The following MTHFD1 variants were observed in gnomAD, a reference collection of about 807,000 sequenced individuals.
The protein encoded by MTHFD1 is methylenetetrahydrofolate dehydrogenase, cyclohydrolase and formyltetrahydrofolate synthetase 1.
A neutral mutation model predicts 110.3 loss-of-function variants in MTHFD1; 44 were observed. That is an observed-to-expected ratio of 0.40 (90% CI 0.31 to 0.51). The LOEUF (loss-of-function observed/expected upper bound fraction) is 0.51, where lower values mean the gene tolerates loss of function less well. MTHFD1 is among the 20% of genes least tolerant of loss of function. The probability of loss-of-function intolerance (pLI) is 0.60; values close to 1 mark genes in which losing one functional copy is unlikely to be tolerated. For synonymous variants in MTHFD1, 402 were observed against 428.8 expected, an observed-to-expected ratio of 0.94 and a Z score of 0.77; for missense variants, 909 against 1,173.1, an observed-to-expected ratio of 0.77 and a Z score of 3.29.
At chr14:64,454,972 C>A in intron 26 of MTHFD1, 97 bp downstream of exon 26, 2 of 1,290,240 alleles carry the variant, frequency 1.6e-6, no homozygotes, top group Non-Finnish European at 2.3e-6. Flanking sequence ...GAGCAGAGTT[C>A]ACTGCCCAGA....
intron 7 of MTHFD1, chr14:64,419,329 C>G (rs1244230982): frequency 2.2e-5 from 5 of 225,898 alleles, no homozygotes; most frequent in Admixed American, 1.0e-4. Flanking sequence ...GCTATGGCAG[C>G]TTGTTCTAGA....
At chr14:64,423,146 C>T (rs971012335) in intron 8 of MTHFD1, among the ~76,000 whole-genome samples, 4 of 152,140 alleles carry the variant, frequency 2.6e-5, no homozygotes, top group Non-Finnish European at 5.9e-5. Context: ...AGGAAATGTT[C>T]TGCCAGTTTG....
chr14:64,397,190 T>TA (rs1170738947), intron 1 of MTHFD1, among the ~76,000 whole-genome samples: 3 of 5,200 alleles, frequency 5.8e-4, no homozygotes, highest in African/African-American at 3.0e-3. Context: ...TATATATATA[T>TA]AAAAAACAGT....
At chr14:64,391,923 T>C (rs992441127) in intron 1 of MTHFD1, among the ~76,000 whole-genome samples, 50 of 152,292 alleles carry the variant, frequency 3.3e-4, no homozygotes, top group African/African-American at 1.2e-3. Context: ...ACTTGCATAC[T>C]GATGGGTAGA....
At chr14:64,418,786 C>T (rs555560614) in intron 7 of MTHFD1, among the ~76,000 whole-genome samples, 12 of 152,070 alleles carry the variant, frequency 7.9e-5, no homozygotes, top group South Asian at 2.1e-4. Context: ...GAACTCCTGA[C>T]CTCAGGTGAT....
At chr14:64,445,439 T>C (rs1202735049) in intron 22 of MTHFD1, among the ~76,000 whole-genome samples, 1 of 152,152 alleles carries the variant, frequency 6.6e-6, no homozygotes, top group African/African-American at 2.4e-5. Flanking sequence ...TCATTTACCA[T>C]CAAAGAAACA....
rs573052765 is a variant in MTHFD1 at position 64,449,342 on chromosome 14, C to T, written c.2280-103C>T. 347 of 1,354,268 alleles carry T rather than the reference C, an allele frequency of 2.6e-4. 2 individuals are homozygous for T. The highest frequency in any genetic ancestry group is 1.7e-3 in the South Asian group (146 of 85,100). 83.9% of individuals were successfully genotyped at this position (1,354,268 alleles called of 1,614,324 possible). On this transcript the variant is annotated intron_variant, in intron 23 of 27. Transcript: ENST00000652337. ...CAGGCCAAATTTCTTGGTTAGTGTTCGTTTATCAGTGGGTAATTCACATGA... is the reference window on the plus strand; with the variant it reads ...CAGGCCAAATTTCTTGGTTAGTGTTTGTTTATCAGTGGGTAATTCACATGA...
At chr14:64,397,166 TATATATATATATATATATATATATAAAA>T (rs2077860897) in intron 1 of MTHFD1, among the ~76,000 whole-genome samples, 1 of 17,684 alleles carries the variant, frequency 5.7e-5, no homozygotes, top group Non-Finnish European at 1.0e-4. Context: ...TATATATATA[TATATATATATATATATATATATATAAAA>T]AACAGTAATC....
At chr14:64,426,364 T>C (rs2078118480) in intron 11 of MTHFD1, among the ~76,000 whole-genome samples, 172 bp downstream of exon 11, 1 of 152,214 alleles carries the variant, frequency 6.6e-6, no homozygotes, top group Non-Finnish European at 1.5e-5. Context: ...TAGGTAAGAA[T>C]AGATTATAAT....
At chr14:64,397,549 T>C (rs1054960100) in intron 1 of MTHFD1, among the ~76,000 whole-genome samples, 2 of 152,156 alleles carry the variant, frequency 1.3e-5, no homozygotes, top group Non-Finnish European at 2.9e-5. Flanking sequence ...TGCCTTGGCC[T>C]CCCAAAGTGC....
chr14:64,411,030 G>A, intron 2 of MTHFD1, 60 bp from the exon 3 acceptor site: 2 of 1,159,840 alleles, frequency 1.7e-6, no homozygotes, highest in Non-Finnish European at 2.6e-6. Flanking sequence ...AATTGTAGAA[G>A]CTTTTCTGTG....
rs1436520726 is a variant in MTHFD1, at chr14:64,397,287, GTTAT to G, written c.42-3503_42-3500del. On this transcript the variant is annotated intron_variant, in intron 1 of 27. Transcript: ENST00000652337. ...AAGAAGCCCTGTTGTTTTTGTTGTTGTTATTTGTTTGTTTGTTTGTTTTGAGACG... is the reference window on the plus strand; with the variant it reads ...AAGAAGCCCTGTTGTTTTTGTTGTTGTTGTTTGTTTGTTTGTTTTGAGACG... 5.1e-5 allele frequency among the ~76,000 whole-genome samples: 7 copies of G among 137,570 alleles called. No individual in the cohort carries two copies. In the East Asian group the frequency reaches 6.5e-4, roughly 13 times the overall value. The allele number at this position is 137,570 out of a possible 152,430, so 90.3% of individuals were successfully genotyped here.
intron 7 of MTHFD1, among the ~76,000 whole-genome samples, chr14:64,418,565 A>T (rs935033743): frequency 7.7e-4 from 114 of 148,184 alleles, no homozygotes; most frequent in Non-Finnish European, 1.5e-3. Flanking sequence ...TTCTTTATTT[A>T]TTTTTTTTGA....
At chr14:64,421,048 A>G (rs1219463004) in intron 8 of MTHFD1, among the ~76,000 whole-genome samples, 1 of 152,068 alleles carries the variant, frequency 6.6e-6, no homozygotes, top group Non-Finnish European at 1.5e-5. Flanking sequence ...ACAACTGAAT[A>G]AGGTTCAACT....
At position 64,449,730 on chromosome 14, in the gene MTHFD1, C is replaced by A. The variant is rs185303821; in HGVS notation, c.2457+108C>A. 4.9e-4 allele frequency: 648 copies of A among 1,312,172 alleles called. 4 individuals are homozygous for A. The African/African-American group carries it at 7.7e-3, about 16-fold the overall frequency. The allele number at this position is 1,312,172 out of a possible 1,614,324, so 81.3% of individuals were successfully genotyped here. ...CCCATGCTTCGCAGCTTCAGCCTTG[C>A]GGTTTGATTCCCACGTAGGTGACTT... On this transcript the variant is annotated intron_variant, in intron 24 of 27. Transcript: ENST00000652337.
chr14:64,455,698 G>A (rs183753317), intron 26 of MTHFD1, among the ~76,000 whole-genome samples: 1 of 152,332 alleles, frequency 6.6e-6, no homozygotes, highest in African/African-American at 2.4e-5. Context: ...CATTCTTTCA[G>A]TATAGTAAGA....
chr14:64,412,048 T>C (rs1268036010), intron 3 of MTHFD1, among the ~76,000 whole-genome samples: 2 of 152,150 alleles, frequency 1.3e-5, no homozygotes, highest in Non-Finnish European at 2.9e-5. Context: ...TACATTGCCA[T>C]GGTGAAATTT....
Position 64,435,634 on chromosome 14 carries a change from A to G in MTHFD1, c.1560A>G (p.Arg520=), listed in dbSNP as rs2078200696. ...ATGAAGAGATAAACAGATTTGCAAG[A>G]TTGGACATTGATCCAGAAACCATAA... ...LTDEEINRFA[R]LDIDPETITW... Residue 520 remains arginine (R), a synonymous_variant, in exon 16 of 28, where the codon AGA becomes AGG. Coordinates refer to ENST00000652337, the MANE Select transcript of MTHFD1 (RefSeq NM_005956.4). 2 of 1,612,838 alleles carry G rather than the reference A, an allele frequency of 1.2e-6. No individual in the cohort carries two copies. The highest frequency in any genetic ancestry group is 4.5e-5 in the East Asian group (2 of 44,856).
chr14:64,399,898 C>A (rs529632554), intron 1 of MTHFD1, among the ~76,000 whole-genome samples: 3 of 152,200 alleles, frequency 2.0e-5, no homozygotes, highest in Non-Finnish European at 4.4e-5. Flanking sequence ...GCCGCAGCCT[C>A]CTGAGTAGCT....
Sources: gnomAD v4.1 joint callset for allele counts (sites outside exome capture counted in the v4.1 genomes callset) on GRCh38, gnomAD v4.1.1 for gene constraint, MANE v1.5 for transcripts, NCBI Gene and HGNC (gene_info 2026-07-23, HGNC 2026-07-21) for gene names.